ADGRV1: variants seen among roughly 807,000 people sequenced by gnomAD.
The protein encoded by ADGRV1 is adhesion G protein-coupled receptor V1, also known as G-protein coupled receptor 98.
In ADGRV1, 359 loss-of-function variants were observed where a neutral mutation model predicts 596.2. That is an observed-to-expected ratio of 0.60 (90% CI 0.55 to 0.66). ADGRV1 has a LOEUF of 0.66. ADGRV1 is among the 30% of genes least tolerant of loss of function. The pLI is 0.00. For missense variants in ADGRV1, 7,274 were observed against 7,575.6 expected (o/e 0.96, Z 1.48); for synonymous variants, 2,681 against 2,679.2 (o/e 1.00, Z -0.02).
intron 36 of ADGRV1, 140 bp downstream of exon 36, chr5:90,704,628 ATC>A: frequency 1.8e-6 from 1 of 548,950 alleles, no homozygotes; most frequent in Non-Finnish European, 3.2e-6. Context: ...GAAATGTTAG[ATC>A]AAAAAAAATT....
intron 1 of ADGRV1, among the ~76,000 whole-genome samples, chr5:90,572,979 C>G (rs191858578): frequency 1.3e-5 from 2 of 152,198 alleles, no homozygotes; most frequent in Admixed American, 1.3e-4. Flanking sequence ...TTGTTAAACT[C>G]AGGATCAAGT....
At chr5:90,678,130 A>G (rs1372671282) in intron 25 of ADGRV1, among the ~76,000 whole-genome samples, 1 of 152,056 alleles carries the variant, frequency 6.6e-6, no homozygotes, top group Non-Finnish European at 1.5e-5. Flanking sequence ...TGATGATTTC[A>G]GGTTCTGGGT....
chr5:91,078,081 T>C (rs1440044690), intron 86 of ADGRV1, among the ~76,000 whole-genome samples: 1 of 152,120 alleles, frequency 6.6e-6, no homozygotes, highest in African/African-American at 2.4e-5. Context: ...ACCTGAGGTA[T>C]TTAGAATCTC....
chr5:90,668,321 T>G (rs1301603352), intron 21 of ADGRV1, among the ~76,000 whole-genome samples: 3 of 152,078 alleles, frequency 2.0e-5, no homozygotes, highest in Non-Finnish European at 4.4e-5. Context: ...GGTGCGCCGT[T>G]TTTTAAGCCC....
At chr5:90,622,561 C>A in intron 4 of ADGRV1, 36 bp from the exon 5 acceptor site, 1 of 1,015,690 alleles carries the variant, frequency 9.8e-7, no homozygotes, top group Non-Finnish European at 1.3e-6. Context: ...TCTGATTGCT[C>A]AGCTCCTGAT....
rs1166928868 is a variant in ADGRV1, at chr5:90,820,640, G to T, written c.16197-2785G>T. Among the ~76,000 whole-genome samples, 323 of 147,604 alleles carry T rather than the reference G, an allele frequency of 2.2e-3. 5 individuals carry two copies. Among genetic ancestry groups the T allele is most frequent in the Admixed American group, 0.013 (187 of 14,836 alleles). ...TGACAAAATCTCTCAGCATTTGCTTGTCTGTAAAGTATTTTATTTCTCCTT... is the reference window on the plus strand; with the variant it reads ...TGACAAAATCTCTCAGCATTTGCTTTTCTGTAAAGTATTTTATTTCTCCTT... On this transcript the variant is annotated intron_variant, in intron 75 of 89. Coordinates refer to ENST00000405460, the MANE Select transcript of ADGRV1 (RefSeq NM_032119.4).
intron 85 of ADGRV1, among the ~76,000 whole-genome samples, chr5:91,020,333 A>G (rs1783532291): frequency 6.6e-6 from 1 of 152,012 alleles, no homozygotes; most frequent in Admixed American, 6.6e-5. Flanking sequence ...TCACTGGCCT[A>G]TATTATTTAA....
At chr5:90,821,796 G>T (rs1330511886) in intron 75 of ADGRV1, among the ~76,000 whole-genome samples, 2 of 151,992 alleles carry the variant, frequency 1.3e-5, no homozygotes, top group Non-Finnish European at 2.9e-5. Flanking sequence ...GCTGCGTGCT[G>T]GGAGAACCAC....
intron 6 of ADGRV1, among the ~76,000 whole-genome samples, chr5:90,626,889 T>C (rs948781771): frequency 8.5e-5 from 13 of 152,208 alleles, no homozygotes; most frequent in African/African-American, 3.1e-4. Context: ...CTGATAAAAC[T>C]GATAGAAATG....
chr5:90,891,327 A>G (rs143727177), intron 83 of ADGRV1, among the ~76,000 whole-genome samples: 70 of 151,490 alleles, frequency 4.6e-4, no homozygotes, highest in African/African-American at 1.6e-3. Flanking sequence ...GGTGTTAGAC[A>G]ACACAAACTG....
Position 90,627,402 on chromosome 5 carries a change from C to T in ADGRV1, c.864C>T (p.Asp288=), listed in dbSNP as rs371836448. ...ILIIPVVRGK[D]NNGNLIGSDE... is the part of the protein sequence containing the mutation. ...TAATTCCAGTAGTTCGTGGAAAGGACAACAATGGAAATCTGATTGGATCTG... is the reference window on the plus strand; with the variant it reads ...TAATTCCAGTAGTTCGTGGAAAGGATAACAATGGAAATCTGATTGGATCTG... Residue 288 remains aspartate, a synonymous_variant, in exon 7 of 90, where the codon GAC becomes GAT. Coordinates refer to ENST00000405460, the MANE Select transcript of ADGRV1 (RefSeq NM_032119.4). 3 of 1,613,710 alleles carry T rather than the reference C, an allele frequency of 1.9e-6. No homozygotes were observed. The African/African-American group carries it at 4.0e-5, about 22-fold the overall frequency.
At chr5:90,570,551 C>T (rs1041616562) in intron 1 of ADGRV1, among the ~76,000 whole-genome samples, 3 of 152,074 alleles carry the variant, frequency 2.0e-5, no homozygotes, top group Non-Finnish European at 2.9e-5. Context: ...TCTGGGAGTT[C>T]CACTAGGTCT....
At chr5:90,946,647 T>G (rs372019330) in intron 83 of ADGRV1, among the ~76,000 whole-genome samples, 12 of 152,050 alleles carry the variant, frequency 7.9e-5, no homozygotes, top group Admixed American at 3.3e-4. Context: ...CCAGTGTGTG[T>G]TGTTCCCCTC....
At chr5:90,793,710 A>C (rs1405089053) in intron 70 of ADGRV1, among the ~76,000 whole-genome samples, 2 of 88,212 alleles carry the variant, frequency 2.3e-5, no homozygotes, top group African/African-American at 6.1e-5. Flanking sequence ...TGATAAATGA[A>C]TTATCATTTA....
At chr5:90,966,218 A>G (rs912980117) in intron 84 of ADGRV1, among the ~76,000 whole-genome samples, 26 of 152,260 alleles carry the variant, frequency 1.7e-4, no homozygotes, top group African/African-American at 5.3e-4. Flanking sequence ...TGAAGTGCCT[A>G]TGAGACTTCC....
At chr5:90,562,691 AG>A (rs1208637673) in intron 1 of ADGRV1, among the ~76,000 whole-genome samples, 3 of 152,194 alleles carry the variant, frequency 2.0e-5, no homozygotes, top group African/African-American at 7.2e-5. Context: ...CTGAAAACCT[AG>A]AATGGACCCT....
chr5:90,913,464 A>G (rs1414181554), intron 83 of ADGRV1, among the ~76,000 whole-genome samples: 1 of 152,232 alleles, frequency 6.6e-6, no homozygotes. Context: ...TTCTAATAAA[A>G]GTTTAACATT....
chr5:90,798,853 A>G (rs1448030233), intron 70 of ADGRV1, among the ~76,000 whole-genome samples: 2 of 152,226 alleles, frequency 1.3e-5, no homozygotes, highest in Non-Finnish European at 2.9e-5. Context: ...AGATGCAGAA[A>G]AGGCCTTTGA....
chr5:90,586,682 T>A (rs1483150005), intron 1 of ADGRV1, among the ~76,000 whole-genome samples: 2 of 152,236 alleles, frequency 1.3e-5, no homozygotes, highest in African/African-American at 2.4e-5. Context: ...AATTTCATAT[T>A]GCATCACATC....
Sources: gnomAD v4.1 joint callset for allele counts (sites outside exome capture counted in the v4.1 genomes callset) on GRCh38, gnomAD v4.1.1 for gene constraint, MANE v1.5 for transcripts, NCBI Gene and HGNC (gene_info 2026-07-23, HGNC 2026-07-21) for gene names.